Variants in TMEM170A observed in about 807,000 individuals in gnomAD.
TMEM170A encodes the protein transmembrane protein 170.
In TMEM170A, 18 loss-of-function variants were observed where a neutral mutation model predicts 12.8. The ratio of observed to expected loss-of-function variants is 1.41; its 90% CI spans 0.97 to 2.09. The LOEUF (loss-of-function observed/expected upper bound fraction) is 2.09. Ranked by LOEUF, TMEM170A falls within the 30% of genes most tolerant of loss-of-function variation. TMEM170A has a pLI of 0.00. For synonymous variants in TMEM170A, 107 were observed against 76.2 expected (o/e 1.40, Z -2.11); for missense variants, 220 against 179.9 (o/e 1.22, Z -1.28).
Position 75,445,878 on chromosome 16 carries a change from T to C in TMEM170A, c.*1680A>G, listed in dbSNP as rs922986452. The C allele has an allele frequency of 6.6e-6, 1 of 152,122 alleles. No homozygotes were observed. Among genetic ancestry groups the C allele is most frequent in the African/African-American group, 2.4e-5 (1 of 41,434 alleles). 9.4% of individuals were successfully genotyped at this position (152,122 alleles called of 1,614,324 possible). The stretch of plus-strand genomic sequence containing the variant: ...TAATCTCACAATGAAAACTTTCCTT[T>C]AAAGATGTCAGATTTATGGCCAGGC... On this transcript the variant is annotated 3_prime_UTR_variant, in exon 3 of 3. Transcript: ENST00000561878.
chr16:75,444,489 G>T lies in TMEM170A; in HGVS notation c.*3069C>A, dbSNP rs765590418. ...AAAACCAAAAAACCAAAGCACAGCT[G>T]GGGGAGGATATTTCTAAGAAATCAG... On this transcript the variant is annotated 3_prime_UTR_variant, in exon 3 of 3. Transcript: ENST00000561878. 3.9e-5 allele frequency: 6 copies of T among 152,102 alleles called. No homozygotes were observed. The highest frequency in any genetic ancestry group is 3.9e-4 in the Admixed American group (6 of 15,254). 9.4% of individuals were successfully genotyped at this position (152,102 alleles called of 1,614,324 possible). A position where few individuals can be genotyped will look rare whatever the true frequency, so the allele number is the denominator to read the frequency against.
intron 1 of TMEM170A, among the ~76,000 whole-genome samples, chr16:75,461,800 G>A (rs892385060): frequency 5.3e-5 from 8 of 152,118 alleles, no homozygotes; most frequent in South Asian, 4.1e-4. Flanking sequence ...TCTGGTAATC[G>A]ACATCACAAG....
chr16:75,453,267 C>T (rs1421920813), intron 1 of TMEM170A, among the ~76,000 whole-genome samples: 2 of 152,116 alleles, frequency 1.3e-5, no homozygotes, highest in Non-Finnish European at 2.9e-5. Flanking sequence ...AACCCTGTCT[C>T]TACAAAAAAT....
chr16:75,463,612 TCC>T (rs1213253947), intron 1 of TMEM170A, among the ~76,000 whole-genome samples: 3 of 152,202 alleles, frequency 2.0e-5, no homozygotes, highest in African/African-American at 7.2e-5. Flanking sequence ...AAGACCTCAG[TCC>T]CCTCTGCTGG....
chr16:75,462,780 T>TA (rs1272911706), intron 1 of TMEM170A, among the ~76,000 whole-genome samples: 9 of 152,078 alleles, frequency 5.9e-5, no homozygotes, highest in Admixed American at 1.3e-4. Context: ...AATATATATA[T>TA]TTTTTTAAGG....
chr16:75,461,799 C>T (rs1030888703), intron 1 of TMEM170A, among the ~76,000 whole-genome samples: 1 of 152,114 alleles, frequency 6.6e-6, no homozygotes, highest in Non-Finnish European at 1.5e-5. Flanking sequence ...CTCTGGTAAT[C>T]GACATCACAA....
At chr16:75,451,137 T>C (rs1312244191) in intron 2 of TMEM170A, among the ~76,000 whole-genome samples, 2 of 152,130 alleles carry the variant, frequency 1.3e-5, no homozygotes, top group Non-Finnish European at 2.9e-5. Flanking sequence ...TCTCACGAGA[T>C]ATATCTCACA....
intron 2 of TMEM170A, among the ~76,000 whole-genome samples, chr16:75,448,140 G>T (rs944748736): frequency 1.5e-4 from 23 of 152,302 alleles, no homozygotes; most frequent in African/African-American, 5.5e-4. Flanking sequence ...AGGCCACAGG[G>T]AATCCCCACT....
At chr16:75,463,998 G>A (rs1597460326) in intron 1 of TMEM170A, among the ~76,000 whole-genome samples, 1 of 152,252 alleles carries the variant, frequency 6.6e-6, no homozygotes, top group East Asian at 1.9e-4. Flanking sequence ...GCGCCTGCGC[G>A]GAGGGGCCGG....
At chr16:75,451,556 C>G (rs2079681717) in intron 2 of TMEM170A, 113 bp downstream of exon 2, 6 of 1,141,468 alleles carry the variant, frequency 5.3e-6, no homozygotes, top group Non-Finnish European at 7.6e-6. Flanking sequence ...TCTGGACTTG[C>G]AGTTAAAAGG....
chr16:75,453,063 A>G, intron 1 of TMEM170A, among the ~76,000 whole-genome samples: 1 of 152,140 alleles, frequency 6.6e-6, no homozygotes, highest in East Asian at 1.9e-4. Flanking sequence ...GGCCCTTCAC[A>G]GAAAAAGCTG....
chr16:75,447,466 T>G lies in TMEM170A; in HGVS notation c.*92A>C. ...TCCTGTTCATCCAAGTTGCTTCCCT[T>G]TGAAGAACTAAGAAAACACTACACT... On this transcript the variant is annotated 3_prime_UTR_variant, in exon 3 of 3. Coordinates refer to ENST00000561878, the MANE Select transcript of TMEM170A (RefSeq NM_145254.3). 1 of 1,380,762 alleles carries G rather than the reference T, an allele frequency of 7.2e-7. No individual in the cohort carries two copies. Among genetic ancestry groups the G allele is most frequent in the Non-Finnish European group, 9.5e-7 (1 of 1,052,070 alleles). The allele number at this position is 1,380,762 out of a possible 1,614,324, so 85.5% of individuals were successfully genotyped here.
rs1446649924 is a variant in TMEM170A, at chr16:75,451,859, A to G, written c.134-20T>C. On this transcript the variant is annotated intron_variant, in intron 1 of 2. Coordinates refer to ENST00000561878, the MANE Select transcript of TMEM170A (RefSeq NM_145254.3). ...ACATCTCTATGAGGGAAGACAAAGAAAAGTTGTGAATCACTGCCCTTCCCA... is the reference window on the plus strand; with the variant it reads ...ACATCTCTATGAGGGAAGACAAAGAGAAGTTGTGAATCACTGCCCTTCCCA... 1.9e-6 allele frequency: 3 copies of G among 1,591,812 alleles called. No individual in the cohort carries two copies. Among genetic ancestry groups the G allele is most frequent in the South Asian group, 1.1e-5 (1 of 88,938 alleles).
At chr16:75,451,494 A>C (rs1478535639) in intron 2 of TMEM170A, 175 bp downstream of exon 2, 5 of 659,350 alleles carry the variant, frequency 7.6e-6, no homozygotes. Context: ...GGCTGCAGTG[A>C]GCCAATATTG....
At chr16:75,461,827 G>C (rs933958477) in intron 1 of TMEM170A, among the ~76,000 whole-genome samples, 3 of 152,158 alleles carry the variant, frequency 2.0e-5, no homozygotes, top group Non-Finnish European at 4.4e-5. Flanking sequence ...ACCCATAACA[G>C]TAATCATAAA....
At position 75,464,579 on chromosome 16, in the gene TMEM170A, C is replaced by T; in HGVS notation, c.22G>A (p.Gly8Ser). The T allele has an allele frequency of 1.3e-6, 2 of 1,587,402 alleles. No homozygotes were observed. Among genetic ancestry groups the T allele is most frequent in the African/African-American group, 1.4e-5 (1 of 72,062 alleles). The change falls in exon 1 of 3, where the codon GGC becomes AGC. Residue 8 changes from glycine to serine, a missense_variant. Physicochemically the swap from Gly to Ser is moderately conservative, Grantham distance 56 (BLOSUM62 0). Coordinates refer to ENST00000561878, the MANE Select transcript of TMEM170A (RefSeq NM_145254.3). ...AGGAGCCCGGCCGACCCGCCGCTGC[C>T]GCCGCTCCCCTCGCGCTCCATCCCG... MEREGSG[G>S]SGGSAGLLQQ...
chr16:75,447,558 C>T lies in TMEM170A; in HGVS notation c.435G>A (p.Ter145=), dbSNP rs1271101523. Residue 145 remains the stop codon, a stop_retained_variant, in exon 3 of 3, where the codon TAG becomes TAA. Transcript: ENST00000561878. ...VSFLRILATL[*] is the part of the protein sequence containing the mutation. Reference sequence around the variant, plus strand: ...CAACATCTCAGCATAAGGATGTATGCTATAGAGTAGCTAAAATCCGTAAAA... The same window carrying T: ...CAACATCTCAGCATAAGGATGTATGTTATAGAGTAGCTAAAATCCGTAAAA... The T allele has an allele frequency of 1.9e-6, 3 of 1,612,194 alleles. No individual in the cohort carries two copies. The highest frequency in any genetic ancestry group is 1.7e-5 in the Admixed American group (1 of 59,508).
Position 75,464,371 on chromosome 16 carries a change from G to A in TMEM170A, c.133+97C>T, listed in dbSNP as rs879360609. The A allele has an allele frequency of 8.0e-6, 11 of 1,378,842 alleles. No individual in the cohort carries two copies. In the African/African-American group the frequency reaches 1.1e-4, roughly 13 times the overall value. 85.4% of individuals were successfully genotyped at this position (1,378,842 alleles called of 1,614,324 possible). Reference sequence around the variant, plus strand: ...GAGGACAGCGCCCACGCCGCCAGCAGGCTGCGCACCCGGGACCCCGCCCAG... The same window carrying A: ...GAGGACAGCGCCCACGCCGCCAGCAAGCTGCGCACCCGGGACCCCGCCCAG... On this transcript the variant is annotated intron_variant, in intron 1 of 2. Coordinates refer to ENST00000561878, the MANE Select transcript of TMEM170A (RefSeq NM_145254.3).
intron 1 of TMEM170A, among the ~76,000 whole-genome samples, chr16:75,464,025 A>G (rs2079952412): frequency 6.6e-6 from 1 of 152,126 alleles, no homozygotes; most frequent in Admixed American, 6.5e-5. Flanking sequence ...GCCCCGGGGC[A>G]AGGGGAGCGC....
Sources: gnomAD v4.1 joint callset for allele counts (sites outside exome capture counted in the v4.1 genomes callset) on GRCh38, gnomAD v4.1.1 for gene constraint, MANE v1.5 for transcripts, NCBI Gene and HGNC (gene_info 2026-07-23, HGNC 2026-07-21) for gene names.